Variants in SEC22C observed in about 807,000 individuals in gnomAD.
SEC22C encodes the protein vesicle-trafficking protein SEC22c.
SEC22C carries 29 observed loss-of-function variants against 34.7 expected under a neutral mutation model. That is an observed-to-expected ratio of 0.84 (90% CI 0.62 to 1.14). SEC22C has a LOEUF of 1.14. Among genes scored for constraint, SEC22C ranks in the 50% most tolerant of loss-of-function variants. SEC22C has a pLI of 0.00. For missense variants in SEC22C, 337 were observed against 369.0 expected (o/e 0.91, Z 0.71); for synonymous variants, 117 against 132.8 (o/e 0.88, Z 0.82).
At chr3:42,596,336 T>C (rs1705029650) in intron 1 of SEC22C, among the ~76,000 whole-genome samples, 1 of 152,250 alleles carries the variant, frequency 6.6e-6, no homozygotes, top group Non-Finnish European at 1.5e-5. Context: ...ATTTCTGTTT[T>C]CTAGAAAATT....
chr3:42,598,420 C>T (rs1438590433), intron 1 of SEC22C, among the ~76,000 whole-genome samples: 2 of 151,730 alleles, frequency 1.3e-5, no homozygotes, highest in African/African-American at 2.4e-5. Flanking sequence ...CTCTGCCTCC[C>T]GGGTTCAAGT....
chr3:42,576,274 T>C (rs1318167215), intron 1 of SEC22C, among the ~76,000 whole-genome samples: 1 of 151,676 alleles, frequency 6.6e-6, no homozygotes, highest in Non-Finnish European at 1.5e-5. Flanking sequence ...AAAACAGTAA[T>C]TTAAGCTCAC....
chr3:42,592,028 T>C (rs1330433267), intron 1 of SEC22C, among the ~76,000 whole-genome samples: 1 of 152,128 alleles, frequency 6.6e-6, no homozygotes, highest in East Asian at 1.9e-4. Flanking sequence ...TAACTTCCCG[T>C]CAGTCTGTTA....
At chr3:42,591,158 T>TC in intron 1 of SEC22C, 1 of 630,336 alleles carries the variant, frequency 1.6e-6, no homozygotes, top group Non-Finnish European at 2.8e-6. Context: ...TGGGGTTCGG[T>TC]CCCCCGCCGT....
At chr3:42,564,205 G>T in intron 2 of SEC22C, 1 of 239,156 alleles carries the variant, frequency 4.2e-6, no homozygotes, top group Non-Finnish European at 8.3e-6. Context: ...ATCTGATTGT[G>T]GTATTTAGGT....
exon 1 of SEC22C, chr3:42,601,021 C>G: frequency 1.9e-6 from 3 of 1,579,930 alleles, no homozygotes; most frequent in Non-Finnish European, 2.6e-6. Context: ...GGGCGCAGGA[C>G]CGGCCGCAGT....
intron 4 of SEC22C, among the ~76,000 whole-genome samples, chr3:42,560,137 T>TAAAA (rs1491021738): frequency 7.0e-6 from 1 of 143,592 alleles, no homozygotes; most frequent in East Asian, 2.0e-4. Flanking sequence ...TATATATATA[T>TAAAA]AAATAATAAT....
upstream of SEC22C, among the ~76,000 whole-genome samples, chr3:42,586,241 G>T (rs989306107): frequency 1.3e-5 from 2 of 151,928 alleles, no homozygotes; most frequent in Admixed American, 1.3e-4. Flanking sequence ...TGTTGTTGTT[G>T]TTGAGACAGA....
intron 1 of SEC22C, chr3:42,591,584 C>T (rs757656436): frequency 6.2e-7 from 1 of 1,613,466 alleles, no homozygotes; most frequent in African/African-American, 1.3e-5. Flanking sequence ...ACAAGGGCCG[C>T]GGGAACGAGT....
chr3:42,560,142 A>G (rs970515867), intron 4 of SEC22C, among the ~76,000 whole-genome samples: 2 of 144,882 alleles, frequency 1.4e-5, no homozygotes. Flanking sequence ...ATATATAAAT[A>G]ATAATTGTTT....
At chr3:42,593,508 G>A (rs559667386) in intron 1 of SEC22C, among the ~76,000 whole-genome samples, 3 of 152,210 alleles carry the variant, frequency 2.0e-5, no homozygotes, top group South Asian at 2.1e-4. Flanking sequence ...ACTTGAGCTC[G>A]AGCATCCTCA....
chr3:42,566,724 C>A, intron 2 of SEC22C: 3 of 239,404 alleles, frequency 1.3e-5, no homozygotes, highest in South Asian at 4.0e-5. Flanking sequence ...CAAAAGGGTG[C>A]AAGGCAAGGT....
chr3:42,599,937 T>C lies in SEC22C; in HGVS notation c.-28+1023A>G, dbSNP rs116502520. On this transcript the variant is annotated intron_variant, in intron 1 of 6. Coordinates refer to the SEC22C transcript ENST00000417572. ...ACCATTAAAATATAAAACTGACCAA[T>C]TGACTTAATCAGAATTAAAAACTTC... is the stretch of plus-strand genomic sequence containing the variant. Among the ~76,000 whole-genome samples, 533 of 152,280 alleles carry C rather than the reference T, an allele frequency of 3.5e-3. 2 individuals are homozygous for C. Among genetic ancestry groups the C allele is most frequent in the Middle Eastern group, 0.02 (6 of 294 alleles).
At chr3:42,563,815 A>G (rs1217472481) in intron 2 of SEC22C, 129 bp from the exon 3 acceptor site, 1 of 1,541,246 alleles carries the variant, frequency 6.5e-7, no homozygotes, top group Non-Finnish European at 8.8e-7. Context: ...TGTTTGCTGC[A>G]GGTATATTGT....
chr3:42,591,343 A>C (rs1697296359), intron 1 of SEC22C: 1 of 600,802 alleles, frequency 1.7e-6, no homozygotes, highest in African/African-American at 1.9e-5. Context: ...GGATTACAGG[A>C]GCGCGACGCC....
Position 42,549,808 on chromosome 3 carries a change from C to T in SEC22C, c.*3440G>A, listed in dbSNP as rs1435240401. The T allele has an allele frequency of 1.0e-6, 1 of 985,408 alleles. No homozygotes were observed. Among genetic ancestry groups the T allele is most frequent in the African/African-American group, 1.7e-5 (1 of 57,260 alleles). 61.0% of individuals were successfully genotyped at this position (985,408 alleles called of 1,614,324 possible). On this transcript the variant is annotated 3_prime_UTR_variant, in exon 7 of 7. Transcript: ENST00000264454. ...AGAAAAGAACAGAGGAGCTCAAGCT[C>T]ATTTAATCAAAATGCTTAAATGTTT...
chr3:42,593,627 T>C (rs1431570846), intron 1 of SEC22C, among the ~76,000 whole-genome samples: 1 of 151,954 alleles, frequency 6.6e-6, no homozygotes, highest in Non-Finnish European at 1.5e-5. Flanking sequence ...CTCTGGGAAA[T>C]CCATAGTAAA....
chr3:42,600,927 TGCCCTCGCCCCC>T (rs1215636019), intron 1 of SEC22C: 14 of 1,006,576 alleles, frequency 1.4e-5, no homozygotes, highest in African/African-American at 8.4e-5. Context: ...CCCTCGCCCC[TGCCCTCGCCCCC>T]GCCCTCGCCC....
In SEC22C at chr3:42,553,467, A is replaced by C. The variant is rs1290829573; in HGVS notation, c.712-19T>G. ...AATAACACTGAAATGAGACCAGAAG[A>C]GGAATTCCAATCAGAGATAAAATGG... On this transcript the variant is annotated intron_variant, in intron 6 of 6. Coordinates refer to ENST00000264454, the MANE Select transcript of SEC22C (RefSeq NM_032970.4). 1 of 1,609,266 alleles carries C rather than the reference A, an allele frequency of 6.2e-7. No homozygotes were observed. Among genetic ancestry groups the C allele is most frequent in the Non-Finnish European group, 8.5e-7 (1 of 1,177,644 alleles).
Sources: gnomAD v4.1 joint callset for allele counts (sites outside exome capture counted in the v4.1 genomes callset) on GRCh38, gnomAD v4.1.1 for gene constraint, MANE v1.5 for transcripts, NCBI Gene and HGNC (gene_info 2026-07-23, HGNC 2026-07-21) for gene names.